FBXL4: variants seen among roughly 807,000 people sequenced by gnomAD.
FBXL4 encodes the protein F-box/LRR-repeat protein 4.
A neutral mutation model predicts 58.9 loss-of-function variants in FBXL4; 40 were observed. That is an observed-to-expected ratio of 0.68 (90% CI 0.53 to 0.88). The LOEUF is 0.88. Ranked by LOEUF, FBXL4 falls within the 40% of genes least tolerant of loss-of-function variation. FBXL4 has a pLI of 0.00. For synonymous variants in FBXL4, 263 were observed against 265.5 expected, an observed-to-expected ratio of 0.99 and a Z score of 0.09; for missense variants, 676 against 734.4, an observed-to-expected ratio of 0.92 and a Z score of 0.92.
At chr6:98,891,267 G>A (rs182714230) in intron 7 of FBXL4, among the ~76,000 whole-genome samples, 32 of 151,516 alleles carry the variant, frequency 2.1e-4, no homozygotes, top group African/African-American at 6.7e-4. Flanking sequence ...CACTGCCTTT[G>A]AGGAAAAAGA....
intron 8 of FBXL4, 148 bp downstream of exon 8, chr6:98,880,405 A>G: frequency 1.6e-6 from 1 of 620,118 alleles, no homozygotes; most frequent in South Asian, 2.0e-5. Context: ...TTTAAGAAAA[A>G]TGTTTGAAAG....
In FBXL4 at chr6:98,873,563, G is replaced by C. The variant is rs1286486485; in HGVS notation, c.*715C>G. The C allele has an allele frequency of 6.6e-6, 1 of 151,878 alleles. No homozygotes were observed. The highest frequency in any genetic ancestry group is 1.5e-5 in the Non-Finnish European group (1 of 67,972). The allele number at this position is 151,878 out of a possible 1,614,324, so 9.4% of individuals were successfully genotyped here. On this transcript the variant is annotated 3_prime_UTR_variant, in exon 10 of 10. Transcript: ENST00000369244. ...AGTGAAATAGACAAAAATATCAGAA[G>C]AAAAGTGGAAACACTACAATTTTTT...
At chr6:98,891,413 CA>C (rs1771221402) in intron 7 of FBXL4, among the ~76,000 whole-genome samples, 1 of 152,088 alleles carries the variant, frequency 6.6e-6, no homozygotes, top group Non-Finnish European at 1.5e-5. Flanking sequence ...TGTGATGAAA[CA>C]AAATCTAAGA....
intron 7 of FBXL4, among the ~76,000 whole-genome samples, chr6:98,884,675 T>C (rs1387927984): frequency 6.6e-6 from 1 of 152,194 alleles, no homozygotes; most frequent in Non-Finnish European, 1.5e-5. Flanking sequence ...TAAAAATGTA[T>C]TTTCATTTAT....
chr6:98,882,040 A>C (rs1562217740), intron 7 of FBXL4, among the ~76,000 whole-genome samples: 1 of 152,102 alleles, frequency 6.6e-6, no homozygotes, highest in Non-Finnish European at 1.5e-5. Flanking sequence ...AATCTCATAA[A>C]TTCTTGTTGG....
chr6:98,935,274 A>G (rs1370993219), intron 1 of FBXL4, among the ~76,000 whole-genome samples: 1 of 150,258 alleles, frequency 6.7e-6, no homozygotes, highest in African/African-American at 2.4e-5. Context: ...TTTTTTTTTA[A>G]GTAGAGCTAT....
chr6:98,934,419 G>C (rs1159511201), intron 2 of FBXL4, among the ~76,000 whole-genome samples: 3 of 151,812 alleles, frequency 2.0e-5, no homozygotes, highest in Non-Finnish European at 4.4e-5. Flanking sequence ...AAGAGAGAGA[G>C]AGACAGAAGA....
At chr6:98,901,647 C>T (rs183768325) in intron 6 of FBXL4, among the ~76,000 whole-genome samples, 48 of 152,204 alleles carry the variant, frequency 3.2e-4, no homozygotes, top group African/African-American at 1.1e-3. Flanking sequence ...ATTATCTCTA[C>T]TTAAATTTTC....
intron 7 of FBXL4, among the ~76,000 whole-genome samples, chr6:98,890,425 T>G (rs1771184071): frequency 6.6e-6 from 1 of 152,178 alleles, no homozygotes; most frequent in East Asian, 1.9e-4. Flanking sequence ...CAGAGTAAGG[T>G]GGTGAAATTT....
intron 2 of FBXL4, among the ~76,000 whole-genome samples, chr6:98,928,757 T>C (rs893283351): frequency 3.9e-5 from 6 of 152,276 alleles, no homozygotes; most frequent in African/African-American, 1.4e-4. Flanking sequence ...ATCTGCAAGA[T>C]ATAATCTAAA....
intron 7 of FBXL4, among the ~76,000 whole-genome samples, chr6:98,897,856 A>G (rs1313337767): frequency 6.6e-6 from 1 of 152,200 alleles, no homozygotes; most frequent in Non-Finnish European, 1.5e-5. Flanking sequence ...TCACTGGTAT[A>G]TCATTTTGGA....
chr6:98,892,435 T>C (rs924004948), intron 7 of FBXL4, among the ~76,000 whole-genome samples: 1 of 152,242 alleles, frequency 6.6e-6, no homozygotes, highest in Admixed American at 6.5e-5. Flanking sequence ...TCTGACTTTG[T>C]TAGCTGCAAT....
chr6:98,913,208 C>T (rs1323796444), intron 5 of FBXL4, among the ~76,000 whole-genome samples: 1 of 152,186 alleles, frequency 6.6e-6, no homozygotes, highest in Non-Finnish European at 1.5e-5. Flanking sequence ...GAGACTTAGA[C>T]TCCCACACAA....
chr6:98,910,751 G>A (rs1175866045), intron 5 of FBXL4, among the ~76,000 whole-genome samples: 1 of 152,146 alleles, frequency 6.6e-6, no homozygotes, highest in African/African-American at 2.4e-5. Flanking sequence ...CGTGAGCAAC[G>A]CATTAGACGG....
intron 2 of FBXL4, among the ~76,000 whole-genome samples, chr6:98,930,157 A>T (rs1163024232): frequency 6.6e-6 from 1 of 152,220 alleles, no homozygotes; most frequent in Non-Finnish European, 1.5e-5. Flanking sequence ...ATGATGAGAG[A>T]TAGTCAGTGG....
chr6:98,906,257 T>C (rs1771805790), intron 5 of FBXL4, among the ~76,000 whole-genome samples: 1 of 151,712 alleles, frequency 6.6e-6, no homozygotes, highest in Non-Finnish European at 1.5e-5. Context: ...ACAAGTGCCA[T>C]GGTGTTTTGC....
chr6:98,877,680 T>G (rs1305434926), intron 8 of FBXL4, among the ~76,000 whole-genome samples: 3 of 152,152 alleles, frequency 2.0e-5, no homozygotes, highest in Non-Finnish European at 4.4e-5. Flanking sequence ...ATAGGGCAAA[T>G]GTCACAGAGG....
At chr6:98,920,706 T>C (rs905785060) in intron 4 of FBXL4, among the ~76,000 whole-genome samples, 3 of 152,112 alleles carry the variant, frequency 2.0e-5, no homozygotes, top group African/African-American at 7.2e-5. Flanking sequence ...AACAAGAGAA[T>C]ATGAGAATTT....
At position 98,872,253 on chromosome 6, in the gene FBXL4, T is replaced by C. The variant is rs1770510576; in HGVS notation, c.*2025A>G. On this transcript the variant is annotated 3_prime_UTR_variant, in exon 10 of 10. Coordinates refer to ENST00000369244, the MANE Select transcript of FBXL4 (RefSeq NM_001278716.2). ...GAGGAGCTTCTGCCTAGTCTTCAATTGGAAGTGATTAAGCTGCAATGTAAT... is the reference window on the plus strand; with the variant it reads ...GAGGAGCTTCTGCCTAGTCTTCAATCGGAAGTGATTAAGCTGCAATGTAAT... 6.6e-6 allele frequency: 1 copy of C among 152,172 alleles called. No individual in the cohort carries two copies. The highest frequency in any genetic ancestry group is 2.1e-4 in the South Asian group (1 of 4,828). The allele number at this position is 152,172 out of a possible 1,614,324, so 9.4% of individuals were successfully genotyped here.
Sources: gnomAD v4.1 joint callset for allele counts (sites outside exome capture counted in the v4.1 genomes callset) on GRCh38, gnomAD v4.1.1 for gene constraint, MANE v1.5 for transcripts, NCBI Gene and HGNC (gene_info 2026-07-23, HGNC 2026-07-21) for gene names.